Variants in TBC1D32 observed in about 807,000 individuals in gnomAD.
The protein encoded by TBC1D32 is TBC1 domain family member 32.
A neutral mutation model predicts 170.3 loss-of-function variants in TBC1D32; 151 were observed. The observed-to-expected ratio is 0.89, with a 90% CI of 0.78 to 1.01. The LOEUF is 1.01. TBC1D32 is among the 50% of genes least tolerant of loss of function. The probability of loss-of-function intolerance (pLI) is 0.00; values close to 1 mark genes in which losing one functional copy is unlikely to be tolerated. For missense variants in TBC1D32, 1,464 were observed against 1,457.1 expected (o/e 1.00, Z -0.08); for synonymous variants, 498 against 488.0 (o/e 1.02, Z -0.27).
intron 15 of TBC1D32, among the ~76,000 whole-genome samples, chr6:121,258,519 G>C (rs1799345268): frequency 6.6e-6 from 1 of 150,900 alleles, no homozygotes; most frequent in Admixed American, 6.6e-5. Context: ...GTATAATCAA[G>C]GTATAATCCT....
rs140929634 is a variant in TBC1D32, at chr6:121,190,853, T to C, written c.2570+14222A>G. Among the ~76,000 whole-genome samples, 110 of 152,296 alleles carry C rather than the reference T, an allele frequency of 7.2e-4. 1 individual carries two copies. Among genetic ancestry groups the C allele is most frequent in the African/African-American group, 2.2e-3 (92 of 41,568 alleles). ...TTTCCACTTGAAAGAATCCCAAACA[T>C]GTTCTTGGTTTATCTCACAACTACA... On this transcript the variant is annotated intron_variant, in intron 22 of 31. Transcript: ENST00000398212.
At chr6:121,203,669 C>A (rs1348866057) in intron 22 of TBC1D32, among the ~76,000 whole-genome samples, 1 of 151,260 alleles carries the variant, frequency 6.6e-6, no homozygotes, top group Non-Finnish European at 1.5e-5. Flanking sequence ...TTATCCTCCA[C>A]TTTACAGATG....
intron 29 of TBC1D32, among the ~76,000 whole-genome samples, chr6:121,109,761 A>G (rs896559658): frequency 6.6e-6 from 1 of 152,126 alleles, no homozygotes; most frequent in Non-Finnish European, 1.5e-5. Context: ...ATCTCATATG[A>G]GTAATATAGT....
chr6:121,307,873 A>AAAAAG (rs1332570271), intron 5 of TBC1D32, 103 bp downstream of exon 5: 2 of 1,362,290 alleles, frequency 1.5e-6, no homozygotes, highest in East Asian at 2.7e-5. Flanking sequence ...AAAAAAAACA[A>AAAAAG]AAAAGAAAAG....
chr6:121,247,707 A>AAAAAAAAAAAAAAAAAAAC (rs1797792922), intron 17 of TBC1D32, among the ~76,000 whole-genome samples: 1 of 149,690 alleles, frequency 6.7e-6, no homozygotes, highest in African/African-American at 2.4e-5. Context: ...AAAAAAAAAA[A>AAAAAAAAAAAAAAAAAAAC]AAAAAAAAAA....
intron 4 of TBC1D32, among the ~76,000 whole-genome samples, chr6:121,309,542 T>A (rs1300353824): frequency 6.6e-6 from 1 of 152,004 alleles, no homozygotes; most frequent in Admixed American, 6.6e-5. Flanking sequence ...GAAAAATAAT[T>A]TTAAAAATTG....
intron 29 of TBC1D32, among the ~76,000 whole-genome samples, chr6:121,110,852 T>C (rs1488322445): frequency 6.6e-6 from 1 of 152,190 alleles, no homozygotes; most frequent in Non-Finnish European, 1.5e-5. Flanking sequence ...AGAATTCCTG[T>C]CGAGGAATCT....
At chr6:121,149,212 G>C (rs1018226784) in intron 24 of TBC1D32, among the ~76,000 whole-genome samples, 4 of 152,094 alleles carry the variant, frequency 2.6e-5, no homozygotes, top group African/African-American at 9.7e-5. Flanking sequence ...TAGGTTGCCT[G>C]TTCACTCTGA....
At chr6:121,121,830 T>C (rs1199702088) in intron 26 of TBC1D32, among the ~76,000 whole-genome samples, 1 of 151,968 alleles carries the variant, frequency 6.6e-6, no homozygotes, top group Non-Finnish European at 1.5e-5. Flanking sequence ...TTTACAGGAA[T>C]GAGAAGAATT....
At chr6:121,232,857 T>C (rs777926283) in intron 20 of TBC1D32, among the ~76,000 whole-genome samples, 1 of 152,136 alleles carries the variant, frequency 6.6e-6, no homozygotes, top group Non-Finnish European at 1.5e-5. Context: ...AGGCATTTAA[T>C]GCTATAAACT....
At chr6:121,279,307 G>C in intron 14 of TBC1D32, 62 bp from the exon 15 acceptor site, 1 of 1,536,524 alleles carries the variant, frequency 6.5e-7, no homozygotes, top group Non-Finnish European at 8.7e-7. Flanking sequence ...ACATATCACA[G>C]ACTAAAATCC....
chr6:121,240,908 A>T (rs1017694762), intron 19 of TBC1D32, among the ~76,000 whole-genome samples: 1 of 151,874 alleles, frequency 6.6e-6, no homozygotes, highest in Non-Finnish European at 1.5e-5. Flanking sequence ...AGACATACTA[A>T]ATTTCCAATG....
At chr6:121,137,014 C>T (rs1447652944) in intron 24 of TBC1D32, among the ~76,000 whole-genome samples, 6 of 152,024 alleles carry the variant, frequency 3.9e-5, no homozygotes, top group Non-Finnish European at 8.8e-5. Context: ...CTTACAAGAA[C>T]TCTAATGACT....
At chr6:121,301,413 C>G (rs1488240973) in intron 9 of TBC1D32, among the ~76,000 whole-genome samples, 1 of 152,130 alleles carries the variant, frequency 6.6e-6, no homozygotes, top group African/African-American at 2.4e-5. Flanking sequence ...TGGAAACCAT[C>G]ATTCTCAGCA....
At chr6:121,143,283 G>A (rs184737352) in intron 24 of TBC1D32, among the ~76,000 whole-genome samples, 1 of 152,146 alleles carries the variant, frequency 6.6e-6, no homozygotes, top group Admixed American at 6.5e-5. Flanking sequence ...CATACACAGA[G>A]AATGTATAGA....
rs111505211 is a variant in TBC1D32, at chr6:121,111,028, T to C, written c.3324+1477A>G. 8.6e-3 allele frequency among the ~76,000 whole-genome samples: 1,313 copies of C among 152,318 alleles called. 9 individuals carry two copies. The highest frequency in any genetic ancestry group is 0.04 in the South Asian group (191 of 4,822). ...TGCATCAGTAGAAAGGTGTCAAGGC[T>C]TTACATCAAGAGATCATTCCGAAAA... On this transcript the variant is annotated intron_variant, in intron 29 of 31. Coordinates refer to ENST00000398212, the MANE Select transcript of TBC1D32 (RefSeq NM_152730.6).
At chr6:121,144,720 A>C (rs1160737985) in intron 24 of TBC1D32, among the ~76,000 whole-genome samples, 2 of 152,136 alleles carry the variant, frequency 1.3e-5, no homozygotes, top group Non-Finnish European at 2.9e-5. Context: ...TAGAGATATA[A>C]ATCTGAGAGC....
intron 24 of TBC1D32, among the ~76,000 whole-genome samples, chr6:121,135,028 G>C (rs1253027666): frequency 6.6e-6 from 1 of 152,110 alleles, no homozygotes; most frequent in Non-Finnish European, 1.5e-5. Context: ...TAAAAGTGCA[G>C]CCTACAAGTA....
chr6:121,296,607 T>C (rs552898122), intron 10 of TBC1D32, among the ~76,000 whole-genome samples: 12 of 152,266 alleles, frequency 7.9e-5, no homozygotes, highest in African/African-American at 1.7e-4. Flanking sequence ...AAATAAAGTA[T>C]TTTGAGTCCA....
Sources: gnomAD v4.1 joint callset for allele counts (sites outside exome capture counted in the v4.1 genomes callset) on GRCh38, gnomAD v4.1.1 for gene constraint, MANE v1.5 for transcripts, NCBI Gene and HGNC (gene_info 2026-07-23, HGNC 2026-07-21) for gene names.